SDK2: variants seen among roughly 807,000 people sequenced by gnomAD.
SDK2 encodes the protein sidekick cell adhesion molecule 2, also known as protein sidekick-2.
In SDK2, 105 loss-of-function variants were observed where a neutral mutation model predicts 253.9. That is an observed-to-expected ratio of 0.41 (90% CI 0.35 to 0.49). The LOEUF is 0.49. Ranked by LOEUF, SDK2 falls within the 20% of genes least tolerant of loss-of-function variation. The pLI is 0.06. For missense variants in SDK2, 2,608 were observed against 3,003.0 expected, an observed-to-expected ratio of 0.87 and a Z score of 3.07; for synonymous variants, 1,249 against 1,234.9, an observed-to-expected ratio of 1.01 and a Z score of -0.24.
intron 29 of SDK2, among the ~76,000 whole-genome samples, chr17:73,388,660 G>A (rs2062894792): frequency 1.3e-5 from 2 of 152,164 alleles, no homozygotes; most frequent in Non-Finnish European, 2.9e-5. Flanking sequence ...AATGTCCCCT[G>A]TGGCCAAAGA....
At chr17:73,372,952 A>G (rs144529657) in intron 36 of SDK2, among the ~76,000 whole-genome samples, 2 of 152,238 alleles carry the variant, frequency 1.3e-5, no homozygotes, top group African/African-American at 4.8e-5. Flanking sequence ...TATCATCACC[A>G]TGTTGTACAT....
rs550218614 is a variant in SDK2, at chr17:73,605,220, G to T, written c.64+38805C>A. ...GGCCCCTTCAAGAGGTTGAGTGAAG[G>T]AAAGATGTAGGGAAGAGGCCGGAGC... On this transcript the variant is annotated intron_variant, in intron 1 of 44. Coordinates refer to ENST00000392650, the MANE Select transcript of SDK2 (RefSeq NM_001144952.2). Among the ~76,000 whole-genome samples, 27 of 152,286 alleles carry T rather than the reference G, an allele frequency of 1.8e-4. No homozygotes were observed. The East Asian group carries it at 5.0e-3, about 28-fold the overall frequency.
chr17:73,621,696 C>A (rs913922797), intron 1 of SDK2, among the ~76,000 whole-genome samples: 17 of 151,406 alleles, frequency 1.1e-4, no homozygotes, highest in Middle Eastern at 3.4e-3. Context: ...ATGGGCTTAA[C>A]CAAAACATGG....
chr17:73,502,079 GCACATACA>G (rs1478646727), intron 2 of SDK2, among the ~76,000 whole-genome samples: 3,304 of 147,490 alleles, frequency 0.022, 72 homozygotes, highest in African/African-American at 0.058. Context: ...TTTGTGTAGT[GCACATACA>G]CACACACACA....
intron 1 of SDK2, among the ~76,000 whole-genome samples, chr17:73,631,608 C>T (rs936801064): frequency 7.9e-5 from 12 of 152,306 alleles, no homozygotes; most frequent in African/African-American, 1.7e-4. Flanking sequence ...GGTAAGCAGG[C>T]GGGCTGCTGA....
chr17:73,382,507 T>A (rs1473741719), intron 33 of SDK2, among the ~76,000 whole-genome samples: 1 of 152,222 alleles, frequency 6.6e-6, no homozygotes, highest in Non-Finnish European at 1.5e-5. Context: ...TTTGAGCCAC[T>A]GGGAAAACCT....
At chr17:73,468,945 C>T (rs961834346) in intron 3 of SDK2, among the ~76,000 whole-genome samples, 1 of 152,068 alleles carries the variant, frequency 6.6e-6, no homozygotes, top group Non-Finnish European at 1.5e-5. Context: ...CCACTTCAGC[C>T]TCCCGAGTAG....
In SDK2 at chr17:73,447,808, G is replaced by A. The variant is rs2063464496; in HGVS notation, c.480-60C>T. On this transcript the variant is annotated intron_variant, in intron 4 of 44. Coordinates refer to ENST00000392650, the MANE Select transcript of SDK2 (RefSeq NM_001144952.2). This position sits in a 1 kb window ranked among gnomAD's most constrained non-coding sequence, Gnocchi z 4.0. ...CTAAGGGGCTCTGAACCTCCAGGGAGTGGGAGTGGAAACCCTAAGGGGGAA... is the reference window on the plus strand; with the variant it reads ...CTAAGGGGCTCTGAACCTCCAGGGAATGGGAGTGGAAACCCTAAGGGGGAA... The A allele has an allele frequency of 1.9e-6, 3 of 1,546,218 alleles. No homozygotes were observed. Among genetic ancestry groups the A allele is most frequent in the Non-Finnish European group, 2.6e-6 (3 of 1,142,708 alleles).
chr17:73,350,217 C>CCGGGCACTGCTGGGCCTGGCCCCCCACA lies in SDK2; in HGVS notation c.6038+19_6038+20insTGTGGGGGGCCAGGCCCAGCAGTGCCCG. 4 of 1,573,594 alleles carry CCGGGCACTGCTGGGCCTGGCCCCCCACA rather than the reference C, an allele frequency of 2.5e-6. No homozygotes were observed. The highest frequency in any genetic ancestry group is 2.3e-5 in the East Asian group (1 of 42,990). On this transcript the variant is annotated intron_variant, in intron 43 of 44. Coordinates refer to ENST00000392650, the MANE Select transcript of SDK2 (RefSeq NM_001144952.2). ...GGCACTGCTGGGCCTGGCCCCCAAC[C>CCGGGCACTGCTGGGCCTGGCCCCCCACA]CACGCAGAGGGCCCAGTACCTGGTG...
At chr17:73,567,067 T>C (rs1048456530) in intron 1 of SDK2, among the ~76,000 whole-genome samples, 2 of 152,134 alleles carry the variant, frequency 1.3e-5, no homozygotes, top group Non-Finnish European at 1.5e-5. Context: ...CTGGAAGACA[T>C]TTGGAAGGTC....
chr17:73,550,926 G>T (rs2045046983), intron 1 of SDK2, among the ~76,000 whole-genome samples: 1 of 152,174 alleles, frequency 6.6e-6, no homozygotes, highest in Non-Finnish European at 1.5e-5. Flanking sequence ...GCCAGTGGAG[G>T]CAGGAGGGAA....
chr17:73,637,764 T>G (rs143233878), intron 1 of SDK2, among the ~76,000 whole-genome samples: 1 of 152,212 alleles, frequency 6.6e-6, no homozygotes, highest in Non-Finnish European at 1.5e-5. Flanking sequence ...GGTACATCCA[T>G]GTATGAATGG....
At position 73,393,682 on chromosome 17, in the gene SDK2, C is replaced by G; in HGVS notation, c.3776G>C (p.Arg1259Pro). 1 of 1,596,796 alleles carries G rather than the reference C, an allele frequency of 6.3e-7. No individual in the cohort carries two copies. Among genetic ancestry groups the G allele is most frequent in the Non-Finnish European group, 8.6e-7 (1 of 1,166,966 alleles). ...GCCCAAGCCGGTGAGCTGGGCACTGCGAGACGAGTTGCCTTCCACCAGCCA... is the reference window on the plus strand; with the variant it reads ...GCCCAAGCCGGTGAGCTGGGCACTGGGAGACGAGTTGCCTTCCACCAGCCA... ...RFWLVEGNSS[R>P]SAQLTGLGKY... The change falls in exon 27 of 45, where the codon CGC (arginine) becomes CCC (proline). Residue 1259 changes from arginine (R) to proline (P), a missense_variant. Coordinates refer to ENST00000392650, the MANE Select transcript of SDK2 (RefSeq NM_001144952.2).
Position 73,336,179 on chromosome 17 carries a change from A to T in SDK2, c.*2408T>A, listed in dbSNP as rs1270646173. On this transcript the variant is annotated 3_prime_UTR_variant, in exon 45 of 45. Coordinates refer to ENST00000392650, the MANE Select transcript of SDK2 (RefSeq NM_001144952.2). ...AGAGGGAAAGGGATGAAGTTATTTAAAAAAAAAAAAAAAAAAAAGATGAGA... is the reference window on the plus strand; with the variant it reads ...AGAGGGAAAGGGATGAAGTTATTTATAAAAAAAAAAAAAAAAAAGATGAGA... 1 of 142,710 alleles carries T rather than the reference A, an allele frequency of 7.0e-6. No individual in the cohort carries two copies. Among genetic ancestry groups the T allele is most frequent in the African/African-American group, 2.6e-5 (1 of 38,982 alleles). The allele number at this position is 142,710 out of a possible 1,614,324, so 8.8% of individuals were successfully genotyped here.
intron 18 of SDK2, among the ~76,000 whole-genome samples, chr17:73,403,303 CCTT>C (rs2063044201): frequency 6.6e-6 from 1 of 152,198 alleles, no homozygotes; most frequent in Non-Finnish European, 1.5e-5. Flanking sequence ...CTCTTACACT[CCTT>C]CTAAGTTGGG....
chr17:73,439,721 C>T (rs376396021), intron 6 of SDK2, among the ~76,000 whole-genome samples: 1 of 152,186 alleles, frequency 6.6e-6, no homozygotes, highest in Non-Finnish European at 1.5e-5. Flanking sequence ...TGCCTATGCG[C>T]CTTCCGCTGG....
At chr17:73,494,574 T>C (rs555630551) in intron 2 of SDK2, among the ~76,000 whole-genome samples, 1 of 152,232 alleles carries the variant, frequency 6.6e-6, no homozygotes, top group Non-Finnish European at 1.5e-5. Context: ...TTTTTCCGCC[T>C]TTCCCCTTAC....
At chr17:73,432,986 G>A (rs1393779744) in intron 10 of SDK2, among the ~76,000 whole-genome samples, 3 of 152,074 alleles carry the variant, frequency 2.0e-5, no homozygotes, top group Non-Finnish European at 4.4e-5. Flanking sequence ...TGCTGGTTCC[G>A]CCATCTGGAG....
In SDK2 at chr17:73,481,922, G is replaced by A. The variant is rs951980505; in HGVS notation, c.225-9704C>T. ...GTCCCATAACGAACCTCGTGCATCT[G>A]TCTCTCTCCCATTGCTTCTGCTTCT... is the stretch of plus-strand genomic sequence containing the variant. On this transcript the variant is annotated intron_variant, in intron 2 of 44. Transcript: ENST00000392650. The surrounding 1 kb of genome is among the most constrained non-coding windows in gnomAD (Gnocchi z 4.5). 6.6e-6 allele frequency among the ~76,000 whole-genome samples: 1 copy of A among 152,158 alleles called. No homozygotes were observed. The highest frequency in any genetic ancestry group is 2.4e-5 in the African/African-American group (1 of 41,430).
Sources: allele counts gnomAD v4.1 joint callset (sites outside exome capture counted in the v4.1 genomes callset), GRCh38; gene constraint gnomAD v4.1.1; non-coding constraint Gnocchi (gnomAD v3.1); transcripts MANE v1.5; gene names NCBI Gene and HGNC (gene_info 2026-07-23, HGNC 2026-07-21).